CNTN5: variants seen among roughly 807,000 people sequenced by gnomAD.
CNTN5 encodes contactin-5.
CNTN5 carries 77 observed loss-of-function variants against 129.1 expected under a neutral mutation model. The observed-to-expected ratio is 0.60, with a 90% CI of 0.50 to 0.72. The LOEUF is 0.72. Among genes scored for constraint, CNTN5 ranks in the 30% least tolerant of loss-of-function variants. The pLI is 0.00. For missense variants in CNTN5, 1,478 were observed against 1,328.8 expected, an observed-to-expected ratio of 1.11 and a Z score of -1.75; for synonymous variants, 509 against 465.6, an observed-to-expected ratio of 1.09 and a Z score of -1.20.
chr11:99,027,586 C>T (rs1400542392), intron 1 of CNTN5, among the ~76,000 whole-genome samples: 1 of 151,460 alleles, frequency 6.6e-6, no homozygotes, highest in Non-Finnish European at 1.5e-5. Context: ...GTATCTGAAC[C>T]AAAGTTTACT....
rs563441074 is a variant in CNTN5, at chr11:99,888,013, C to T, written c.578-28041C>T. Among the ~76,000 whole-genome samples, 17 of 152,230 alleles carry T rather than the reference C, an allele frequency of 1.1e-4. No homozygotes were observed. In the South Asian group the frequency reaches 3.5e-3, roughly 32 times the overall value. On this transcript the variant is annotated intron_variant, in intron 6 of 24. Coordinates refer to ENST00000524871, the MANE Select transcript of CNTN5 (RefSeq NM_014361.4). ...TTGACACTCAGTATTAACCATCACA[C>T]CTAGGGAGTGTTATTTATTTCCTAA...
chr11:99,547,003 C>CTTTTTTT, intron 2 of CNTN5, among the ~76,000 whole-genome samples: 2 of 128,648 alleles, frequency 1.6e-5, no homozygotes, highest in Non-Finnish European at 3.2e-5. Flanking sequence ...AAATTATTTT[C>CTTTTTTT]TTTTTTTTTT....
At chr11:99,052,163 TTACA>T (rs1307730497) in intron 1 of CNTN5, among the ~76,000 whole-genome samples, 1 of 151,854 alleles carries the variant, frequency 6.6e-6, no homozygotes, top group Non-Finnish European at 1.5e-5. Flanking sequence ...TGTATGCATG[TTACA>T]TATTAATGGT....
At position 100,001,097 on chromosome 11, in the gene CNTN5, C is replaced by CAG. The variant is rs1939842404; in HGVS notation, c.878-937_878-936insAG. Among the ~76,000 whole-genome samples, 3 of 152,314 alleles carry CAG rather than the reference C, an allele frequency of 2.0e-5. No individual in the cohort carries two copies. In the South Asian group the frequency reaches 6.2e-4, roughly 32 times the overall value. ...CATTGTCTTCACTATTAACACTCAG[C>CAG]TCCTCGTTACTTATGCAAATTTCTG... is the stretch of plus-strand genomic sequence containing the variant. On this transcript the variant is annotated intron_variant, in intron 8 of 24. Coordinates refer to ENST00000524871, the MANE Select transcript of CNTN5 (RefSeq NM_014361.4).
chr11:99,524,869 A>G (rs933154897), intron 2 of CNTN5, among the ~76,000 whole-genome samples: 1 of 152,132 alleles, frequency 6.6e-6, no homozygotes, highest in African/African-American at 2.4e-5. Context: ...ACTAAATTGT[A>G]TAAATACTAA....
rs966954997 is a variant in CNTN5 at position 99,461,818 on chromosome 11, CT to C, written c.-70-94319del. Among the ~76,000 whole-genome samples the C allele has an allele frequency of 2.2e-3, 332 of 151,948 alleles. 2 individuals are homozygous for C. Among genetic ancestry groups the C allele is most frequent in the African/African-American group, 7.1e-3 (295 of 41,464 alleles). On this transcript the variant is annotated intron_variant, in intron 2 of 24. Coordinates refer to ENST00000524871, the MANE Select transcript of CNTN5 (RefSeq NM_014361.4). Reference sequence around the variant, plus strand: ...GTGCTACCCTCTTTAAAATGTGCAACTTTTTTTTAAAATGTAGAATTTAAAA... The same window carrying C: ...GTGCTACCCTCTTTAAAATGTGCAACTTTTTTTAAAATGTAGAATTTAAAA...
intron 2 of CNTN5, among the ~76,000 whole-genome samples, chr11:99,327,426 G>A (rs1360972527): frequency 6.6e-6 from 1 of 152,130 alleles, no homozygotes; most frequent in African/African-American, 2.4e-5. Flanking sequence ...GAGGCTCTTT[G>A]TCAATCTATT....
chr11:99,442,902 G>A (rs1326143210), intron 2 of CNTN5, among the ~76,000 whole-genome samples: 3 of 152,158 alleles, frequency 2.0e-5, no homozygotes, highest in South Asian at 2.1e-4. Flanking sequence ...GGTAGGAAGC[G>A]GATCCATGTG....
intron 13 of CNTN5, among the ~76,000 whole-genome samples, chr11:100,130,325 G>A (rs946827628): frequency 3.3e-5 from 5 of 152,112 alleles, no homozygotes; most frequent in Non-Finnish European, 7.4e-5. Flanking sequence ...TAGACGCTAT[G>A]TTAGGCATTG....
chr11:99,414,286 A>C (rs1184731279), intron 2 of CNTN5, among the ~76,000 whole-genome samples: 1 of 152,098 alleles, frequency 6.6e-6, no homozygotes, highest in Non-Finnish European at 1.5e-5. Flanking sequence ...TAAATTCTAG[A>C]AAGTTTTGAG....
chr11:99,105,759 C>G (rs1397462997), intron 1 of CNTN5, among the ~76,000 whole-genome samples: 1 of 152,010 alleles, frequency 6.6e-6, no homozygotes, highest in Non-Finnish European at 1.5e-5. Context: ...GATTCAGAAG[C>G]TGCTTTGAAC....
At chr11:99,157,811 GA>G (rs1860408271) in intron 1 of CNTN5, among the ~76,000 whole-genome samples, 3 of 152,050 alleles carry the variant, frequency 2.0e-5, no homozygotes, top group Admixed American at 1.3e-4. Flanking sequence ...GAAAACAAAA[GA>G]AAAACAAATT....
At chr11:99,253,620 A>C (rs1862225229) in intron 1 of CNTN5, among the ~76,000 whole-genome samples, 1 of 151,894 alleles carries the variant, frequency 6.6e-6, no homozygotes, top group Admixed American at 6.6e-5. Flanking sequence ...TTTTTAGATA[A>C]TTGACTCTTC....
At chr11:99,742,883 A>T (rs2135168068) in intron 3 of CNTN5, among the ~76,000 whole-genome samples, 1 of 152,318 alleles carries the variant, frequency 6.6e-6, no homozygotes, top group South Asian at 2.1e-4. Flanking sequence ...AGCCTGTGCT[A>T]ATGCATCAGA....
intron 9 of CNTN5, among the ~76,000 whole-genome samples, chr11:100,034,607 C>A (rs370877896): frequency 1.3e-5 from 2 of 152,186 alleles, no homozygotes; most frequent in East Asian, 3.9e-4. Context: ...ATGGACTGGT[C>A]ACCTGTTTTC....
intron 15 of CNTN5, among the ~76,000 whole-genome samples, chr11:100,223,953 C>T (rs186207124): frequency 1.3e-5 from 2 of 151,810 alleles, no homozygotes; most frequent in East Asian, 3.9e-4. Flanking sequence ...ATCACCTATC[C>T]CATGAACTAA....
intron 13 of CNTN5, among the ~76,000 whole-genome samples, chr11:100,110,962 T>C (rs984236360): frequency 2.0e-5 from 3 of 151,660 alleles, no homozygotes; most frequent in African/African-American, 7.3e-5. Context: ...AGATTTCAAG[T>C]CCTGTCCTTC....
At chr11:100,291,902 A>C (rs1019922001) in intron 18 of CNTN5, among the ~76,000 whole-genome samples, 1 of 151,840 alleles carries the variant, frequency 6.6e-6, no homozygotes, top group Non-Finnish European at 1.5e-5. Flanking sequence ...ACAACAACAA[A>C]AAAAAGGTTT....
At chr11:99,191,090 T>C (rs1435860584) in intron 1 of CNTN5, among the ~76,000 whole-genome samples, 3 of 151,850 alleles carry the variant, frequency 2.0e-5, no homozygotes, top group Non-Finnish European at 1.5e-5. Flanking sequence ...CTTCATCTAT[T>C]GAGATAAACA....
Sources: gnomAD v4.1 joint callset for allele counts (sites outside exome capture counted in the v4.1 genomes callset) on GRCh38, gnomAD v4.1.1 for gene constraint, MANE v1.5 for transcripts, NCBI Gene and HGNC (gene_info 2026-07-23, HGNC 2026-07-21) for gene names.